Variants in SPECC1 observed in about 807,000 individuals in gnomAD.
SPECC1 encodes the protein cytospin-B.
A neutral mutation model predicts 104.1 loss-of-function variants in SPECC1; 62 were observed. That is an observed-to-expected ratio of 0.60 (90% CI 0.49 to 0.74). The LOEUF (loss-of-function observed/expected upper bound fraction) is 0.74. Ranked by LOEUF, SPECC1 falls within the 30% of genes least tolerant of loss-of-function variation. SPECC1 has a pLI of 0.00. For synonymous variants in SPECC1, 513 were observed against 501.6 expected (o/e 1.02, Z -0.30); for missense variants, 1,306 against 1,310.5 (o/e 1.00, Z 0.05).
At chr17:20,185,357 C>A (rs1218519707) in intron 3 of SPECC1, among the ~76,000 whole-genome samples, 1 of 152,182 alleles carries the variant, frequency 6.6e-6, no homozygotes, top group African/African-American at 2.4e-5. Context: ...GCTGTGCAGG[C>A]CCCTCTTGTT....
At position 20,205,032 on chromosome 17, in the gene SPECC1, C is replaced by T; in HGVS notation, c.983C>T (p.Ala328Val). 1 of 1,614,128 alleles carries T rather than the reference C, an allele frequency of 6.2e-7. No homozygotes were observed. The highest frequency in any genetic ancestry group is 1.1e-5 in the South Asian group (1 of 91,062). Residue 328 changes from alanine to valine, a missense_variant, in exon 4 of 15, where the codon GCT (alanine) becomes GTT (valine). Physicochemically the swap from Ala to Val is moderately conservative, Grantham distance 64 (BLOSUM62 0). Around this residue, in one of 2 missense-constraint regions of SPECC1, gnomAD observed 1,177 missense variants for 1,139.9 expected, o/e 1.03. Transcript: ENST00000395527. ...ACCAAAGCTTCTTTGTCGCCAGATG[C>T]TTCCGACTTTGAGCACATTACAGCA... ...DVTKASLSPD[A>V]SDFEHITAET...
chr17:20,085,398 C>T (rs935793900), intron 1 of SPECC1, among the ~76,000 whole-genome samples: 10 of 152,212 alleles, frequency 6.6e-5, no homozygotes, highest in East Asian at 5.8e-4. Flanking sequence ...CTGTCCCTCA[C>T]GCTGGAAACA....
At chr17:20,237,047 C>G (rs2038957912) in intron 7 of SPECC1, 2 of 1,478,204 alleles carry the variant, frequency 1.4e-6, no homozygotes, top group Admixed American at 4.7e-5. Context: ...GCCGTCGAGT[C>G]TCTGCTTTTT....
At chr17:20,239,315 A>AGT in intron 7 of SPECC1, 1 of 1,009,086 alleles carries the variant, frequency 9.9e-7, no homozygotes. Flanking sequence ...CTTCTCCCTC[A>AGT]GTACCACCTG....
intron 3 of SPECC1, among the ~76,000 whole-genome samples, chr17:20,187,506 A>G (rs540501006): frequency 6.6e-5 from 10 of 152,302 alleles, no homozygotes; most frequent in African/African-American, 2.4e-4. Flanking sequence ...TCACATAGCC[A>G]TGAGGGCAGG....
chr17:20,306,224 C>T (rs563325663), intron 14 of SPECC1, 142 bp downstream of exon 14: 9 of 648,376 alleles, frequency 1.4e-5, no homozygotes, highest in African/African-American at 1.1e-4. Flanking sequence ...TAGAGTTATC[C>T]AGTTGATATA....
intron 12 of SPECC1, chr17:20,290,486 CACACTTGTCT>C (rs2041126524): frequency 6.6e-6 from 1 of 151,930 alleles, no homozygotes; most frequent in Non-Finnish European, 1.5e-5. Flanking sequence ...CATGCACCAC[CACACTTGTCT>C]GATTTTTATT....
chr17:20,104,220 G>C (rs1389983251), intron 2 of SPECC1, among the ~76,000 whole-genome samples: 1 of 152,180 alleles, frequency 6.6e-6, no homozygotes, highest in Non-Finnish European at 1.5e-5. Context: ...TAAACAGAAG[G>C]CGTGATGAGT....
At chr17:20,187,201 A>G (rs1261712230) in intron 3 of SPECC1, among the ~76,000 whole-genome samples, 2 of 151,822 alleles carry the variant, frequency 1.3e-5, no homozygotes, top group South Asian at 2.1e-4. Flanking sequence ...GGGATGCTCA[A>G]CCCGTACCAG....
Position 20,232,454 on chromosome 17 carries a change from A to G in SPECC1, c.2351+49A>G, listed in dbSNP as rs770571933. ...CGTGCTTGCTTCTCAATCACTATGTATGGGGCTCCCTGGTGGGGATGGGAC... is the reference window on the plus strand; with the variant it reads ...CGTGCTTGCTTCTCAATCACTATGTGTGGGGCTCCCTGGTGGGGATGGGAC... On this transcript the variant is annotated intron_variant, in intron 7 of 14. Coordinates refer to ENST00000395527, the MANE Select transcript of SPECC1 (RefSeq NM_001243439.2). 1.3e-5 allele frequency: 20 copies of G among 1,548,414 alleles called. No homozygotes were observed. In the African/African-American group the frequency reaches 2.5e-4, roughly 19 times the overall value.
chr17:20,206,246 C>T (rs2036772744), intron 4 of SPECC1, among the ~76,000 whole-genome samples: 1 of 152,142 alleles, frequency 6.6e-6, no homozygotes, highest in Admixed American at 6.6e-5. Context: ...GGGGGTTGGG[C>T]GTAGCACAGA....
rs571491088 is a variant in SPECC1 at position 20,072,162 on chromosome 17, C to T, written c.-21-24469C>T. On this transcript the variant is annotated intron_variant, in intron 1 of 14. Coordinates refer to ENST00000395527, the MANE Select transcript of SPECC1 (RefSeq NM_001243439.2). ...GTGCTGCTGGGCAAGGCCTTCCTAT[C>T]CTCAGAGCACCTGTGTTTGAATGAT... Among the ~76,000 whole-genome samples the T allele has an allele frequency of 4.6e-5, 7 of 152,282 alleles. No homozygotes were observed. In the South Asian group the frequency reaches 1.2e-3, roughly 27 times the overall value.
chr17:20,048,705 A>C (rs1433386458), intron 1 of SPECC1, among the ~76,000 whole-genome samples: 2 of 151,988 alleles, frequency 1.3e-5, no homozygotes, highest in African/African-American at 4.8e-5. Context: ...TAGGAGTTTG[A>C]CATTAGCCTG....
In SPECC1 at chr17:20,147,081, A is replaced by ATTT. The variant is rs71157859; in HGVS notation, c.283+36536_283+36538dup. On this transcript the variant is annotated intron_variant, in intron 3 of 14. Transcript: ENST00000395527. Reference sequence around the variant, plus strand: ...TAGGTGCATAACAGTATGGATCGTGATTTTTTTTTTTTTTTTTTTGAGACG... The same window carrying ATTT: ...TAGGTGCATAACAGTATGGATCGTGATTTTTTTTTTTTTTTTTTTTTTGAGACG... 2.8e-4 allele frequency among the ~76,000 whole-genome samples: 35 copies of ATTT among 125,694 alleles called. No homozygotes were observed. In the South Asian group the frequency reaches 4.1e-3, roughly 15 times the overall value. 82.5% of individuals were successfully genotyped at this position (125,694 alleles called of 152,430 possible).
intron 1 of SPECC1, among the ~76,000 whole-genome samples, chr17:20,088,381 G>A (rs2047261699): frequency 6.6e-6 from 1 of 152,160 alleles, no homozygotes; most frequent in Admixed American, 6.5e-5. Context: ...GCAAGAAGGG[G>A]CAAGAGCAGA....
intron 1 of SPECC1, among the ~76,000 whole-genome samples, chr17:20,027,311 G>T (rs2044636590): frequency 6.6e-6 from 1 of 152,174 alleles, no homozygotes; most frequent in Non-Finnish European, 1.5e-5. Context: ...TTAGTCACTT[G>T]TGTGTTCTGG....
intron 3 of SPECC1, among the ~76,000 whole-genome samples, chr17:20,175,420 CCT>C (rs2034406545): frequency 2.0e-5 from 3 of 152,038 alleles, no homozygotes; most frequent in Admixed American, 2.0e-4. Context: ...CTGTGTGTGC[CCT>C]CTCCTGGCTC....
At chr17:20,039,799 C>T (rs1484377377) in intron 1 of SPECC1, among the ~76,000 whole-genome samples, 2 of 152,082 alleles carry the variant, frequency 1.3e-5, no homozygotes, top group African/African-American at 2.4e-5. Context: ...TCAGGTGATC[C>T]ACCCGCCTTG....
chr17:20,150,042 G>A (rs957612647), intron 3 of SPECC1, among the ~76,000 whole-genome samples: 14 of 151,720 alleles, frequency 9.2e-5, no homozygotes, highest in East Asian at 3.9e-4. Flanking sequence ...GTGCGATCTC[G>A]GCTCACTGCA....
Sources: gnomAD v4.1 joint callset for allele counts (sites outside exome capture counted in the v4.1 genomes callset) on GRCh38, gnomAD v4.1.1 for gene constraint, gnomAD v4.1.1 regional missense constraint, MANE v1.5 for transcripts, NCBI Gene and HGNC (gene_info 2026-07-23, HGNC 2026-07-21) for gene names.